TMX4: variants seen among roughly 807,000 people sequenced by gnomAD.
TMX4 encodes thioredoxin related transmembrane protein 4.
TMX4 carries 23 observed loss-of-function variants against 33.3 expected under a neutral mutation model. The ratio of observed to expected loss-of-function variants is 0.69; its 90% CI spans 0.50 to 0.98. TMX4 has a LOEUF of 0.98. TMX4 is among the 50% of genes least tolerant of loss of function. TMX4 has a pLI of 0.00. For missense variants in TMX4, 399 were observed against 448.9 expected (o/e 0.89, Z 1.01); for synonymous variants, 164 against 161.5 (o/e 1.02, Z -0.12).
chr20:8,006,591 T>C (rs777259968), intron 2 of TMX4, among the ~76,000 whole-genome samples: 1 of 152,130 alleles, frequency 6.6e-6, no homozygotes, highest in Non-Finnish European at 1.5e-5. Context: ...AGTAAATAAA[T>C]AAACTGCTTC....
rs1284576237 is a variant in TMX4 at position 7,978,706 on chromosome 20, T to G, written c.*3545A>C. On this transcript the variant is annotated 3_prime_UTR_variant, in exon 8 of 8. Transcript: ENST00000246024. The stretch of plus-strand genomic sequence containing the variant: ...AGCTTTTAAGTATGTGCCCATGCAG[T>G]GCAAGGCCCTGTGAACCCAACAGGC... 6.6e-6 allele frequency: 1 copy of G among 152,208 alleles called. No individual in the cohort carries two copies. The highest frequency in any genetic ancestry group is 1.5e-5 in the Non-Finnish European group (1 of 68,048). 9.4% of individuals were successfully genotyped at this position (152,208 alleles called of 1,614,324 possible).
chr20:7,997,972 G>A (rs2050683953), intron 4 of TMX4, among the ~76,000 whole-genome samples: 1 of 152,030 alleles, frequency 6.6e-6, no homozygotes, highest in Admixed American at 6.6e-5. Flanking sequence ...TTGTTTAACA[G>A]TGTGTGGCAC....
At chr20:8,009,407 A>T (rs1303263908) in intron 2 of TMX4, among the ~76,000 whole-genome samples, 1 of 152,118 alleles carries the variant, frequency 6.6e-6, no homozygotes, top group African/African-American at 2.4e-5. Flanking sequence ...TATCTGATTC[A>T]GGCAAGAGCA....
chr20:7,988,331 A>C (rs2050639329), intron 5 of TMX4, among the ~76,000 whole-genome samples: 1 of 152,226 alleles, frequency 6.6e-6, no homozygotes, highest in South Asian at 2.1e-4. Flanking sequence ...AATGAGTCCA[A>C]GTTTCTATTT....
chr20:7,989,329 T>A (rs1040973891), intron 5 of TMX4, among the ~76,000 whole-genome samples: 2 of 152,200 alleles, frequency 1.3e-5, no homozygotes, highest in Non-Finnish European at 2.9e-5. Flanking sequence ...ATCTTACTCA[T>A]ATGGTTAGGA....
At chr20:8,006,450 C>T (rs538153661) in intron 2 of TMX4, among the ~76,000 whole-genome samples, 1 of 152,282 alleles carries the variant, frequency 6.6e-6, no homozygotes, top group African/African-American at 2.4e-5. Flanking sequence ...GGCAAGAATA[C>T]ACTAACGAAG....
At chr20:7,994,401 C>T (rs1251445554) in intron 5 of TMX4, among the ~76,000 whole-genome samples, 3 of 152,150 alleles carry the variant, frequency 2.0e-5, no homozygotes, top group African/African-American at 7.2e-5. Context: ...ATAAAACACC[C>T]ACTCCTGGCC....
chr20:8,012,437 CCAAA>C (rs1465701674), intron 1 of TMX4, among the ~76,000 whole-genome samples: 2 of 151,970 alleles, frequency 1.3e-5, no homozygotes, highest in African/African-American at 4.8e-5. Flanking sequence ...AGCCTCACTG[CCAAA>C]CAGACAAAGC....
Position 7,982,178 on chromosome 20 carries a change from TG to T in TMX4, c.*72del. 6.8e-7 allele frequency: 1 copy of T among 1,467,436 alleles called. No individual in the cohort carries two copies. Among genetic ancestry groups the T allele is most frequent in the South Asian group, 1.3e-5 (1 of 75,040 alleles). The allele number at this position is 1,467,436 out of a possible 1,614,324, so 90.9% of individuals were successfully genotyped here. On this transcript the variant is annotated 3_prime_UTR_variant, in exon 8 of 8. Coordinates refer to ENST00000246024, the MANE Select transcript of TMX4 (RefSeq NM_021156.4). Reference sequence around the variant, plus strand: ...GCTCATTCAGGAAAAATTAAGGATTTGGTACAAACTGCAGGCCAAAGGGAAG... The same window carrying T: ...GCTCATTCAGGAAAAATTAAGGATTTGTACAAACTGCAGGCCAAAGGGAAG...
chr20:8,010,140 A>G, intron 2 of TMX4, 60 bp downstream of exon 2: 2 of 1,473,838 alleles, frequency 1.4e-6, no homozygotes, highest in South Asian at 2.3e-5. Flanking sequence ...ATATGCTTGA[A>G]AAAAATTCAA....
At chr20:7,985,798 G>A (rs950357508) in intron 6 of TMX4, among the ~76,000 whole-genome samples, 2 of 151,896 alleles carry the variant, frequency 1.3e-5, no homozygotes, top group African/African-American at 4.8e-5. Flanking sequence ...CCTTTCTTCA[G>A]GCCAAGCCTC....
chr20:7,982,133 G>T lies in TMX4; in HGVS notation c.*118C>A. ...TGCCATGAGACCAAATGACTAGAGA[G>T]CATCTTTTAAGAGAAGCTTGCTCAT... On this transcript the variant is annotated 3_prime_UTR_variant, in exon 8 of 8. Coordinates refer to ENST00000246024, the MANE Select transcript of TMX4 (RefSeq NM_021156.4). 9.5e-7 allele frequency: 1 copy of T among 1,053,714 alleles called. No individual in the cohort carries two copies. Among genetic ancestry groups the T allele is most frequent in the Non-Finnish European group, 1.3e-6 (1 of 743,964 alleles). 65.3% of individuals were successfully genotyped at this position (1,053,714 alleles called of 1,614,324 possible).
At position 7,980,865 on chromosome 20, in the gene TMX4, T is replaced by C. The variant is rs557348532; in HGVS notation, c.*1386A>G. 6 of 152,344 alleles carry C rather than the reference T, an allele frequency of 3.9e-5. No homozygotes were observed. The East Asian group carries it at 9.6e-4, about 24-fold the overall frequency. The allele number at this position is 152,344 out of a possible 1,614,324, so 9.4% of individuals were successfully genotyped here. A position where few individuals can be genotyped will look rare whatever the true frequency, so the allele number is the denominator to read the frequency against. On this transcript the variant is annotated 3_prime_UTR_variant, in exon 8 of 8. Coordinates refer to ENST00000246024, the MANE Select transcript of TMX4 (RefSeq NM_021156.4). ...GGAAAGGGTTATCTAAACAGCCAGATAGAAATATACTGCACGTTCCTTTTT... is the reference window on the plus strand; with the variant it reads ...GGAAAGGGTTATCTAAACAGCCAGACAGAAATATACTGCACGTTCCTTTTT...
rs1395856032 is a variant in TMX4 at position 8,019,547 on chromosome 20, C to G, written c.67G>C (p.Ala23Pro). ...GCGGCCTCCTCGGGGCCTGCCGTCG[C>G]CGCCACAGCCGCGATCCAGGCGGCC... is the stretch of plus-strand genomic sequence containing the variant. ...LLAAWIAAVA[A>P]TAGPEEAALP... The change falls in exon 1 of 8, where the codon GCG (alanine) becomes CCG (proline). Residue 23 changes from alanine (A) to proline (P), a missense_variant. Transcript: ENST00000246024. 3 of 1,458,768 alleles carry G rather than the reference C, an allele frequency of 2.1e-6. No homozygotes were observed. In the African/African-American group the frequency reaches 4.4e-5, roughly 22 times the overall value. 90.4% of individuals were successfully genotyped at this position (1,458,768 alleles called of 1,614,324 possible).
intron 2 of TMX4, among the ~76,000 whole-genome samples, chr20:8,004,250 C>A (rs1339590174): frequency 1.3e-5 from 2 of 152,098 alleles, no homozygotes; most frequent in African/African-American, 4.8e-5. Context: ...GGAAAATTTT[C>A]ATTACCTGAA....
At chr20:7,998,675 T>C (rs2050687968) in intron 4 of TMX4, among the ~76,000 whole-genome samples, 1 of 152,176 alleles carries the variant, frequency 6.6e-6, no homozygotes, top group Non-Finnish European at 1.5e-5. Flanking sequence ...GCTCCTTAAG[T>C]ACACCAAGCT....
In TMX4 at chr20:7,981,960, A is replaced by C; in HGVS notation, c.*291T>G. ...TGGAAGGTGCTGATTAGGACTGGGA[A>C]TGGCCTCCTCTGGTCGAGACTCTCT... On this transcript the variant is annotated 3_prime_UTR_variant, in exon 8 of 8. Coordinates refer to ENST00000246024, the MANE Select transcript of TMX4 (RefSeq NM_021156.4). 1 of 318,218 alleles carries C rather than the reference A, an allele frequency of 3.1e-6. No individual in the cohort carries two copies. The highest frequency in any genetic ancestry group is 6.7e-5 in the East Asian group (1 of 14,820). 19.7% of individuals were successfully genotyped at this position (318,218 alleles called of 1,614,324 possible). A position where few individuals can be genotyped will look rare whatever the true frequency, so the allele number is the denominator to read the frequency against.
At chr20:8,018,481 G>GGAGAGAGAGAGA (rs1156723197) in intron 1 of TMX4, among the ~76,000 whole-genome samples, 1 of 13,724 alleles carries the variant, frequency 7.3e-5, no homozygotes, top group Non-Finnish European at 1.2e-4. Context: ...GGAGGGAGGG[G>GGAGAGAGAGAGA]GAGAGAGAGA....
chr20:8,018,412 G>C (rs1395774129), intron 1 of TMX4, among the ~76,000 whole-genome samples: 1 of 65,128 alleles, frequency 1.5e-5, no homozygotes, highest in Admixed American at 1.5e-4. Context: ...GAGGGAGAGA[G>C]AGAGAGAGAG....
Sources: allele counts gnomAD v4.1 joint callset (sites outside exome capture counted in the v4.1 genomes callset), GRCh38; gene constraint gnomAD v4.1.1; transcripts MANE v1.5; gene names NCBI Gene and HGNC (gene_info 2026-07-23, HGNC 2026-07-21).